The following TIAM1 variants were observed in gnomAD, a reference collection of about 807,000 sequenced individuals.
TIAM1 encodes TIAM Rac1 associated GEF 1.
A neutral mutation model predicts 163.5 loss-of-function variants in TIAM1; 65 were observed. That is an observed-to-expected ratio of 0.40 (90% CI 0.33 to 0.49). The LOEUF is 0.49. Ranked by LOEUF, TIAM1 falls within the 20% of genes least tolerant of loss-of-function variation. TIAM1 has a pLI of 0.77. For missense variants in TIAM1, 1,789 were observed against 2,044.7 expected (o/e 0.87, Z 2.41); for synonymous variants, 833 against 810.1 (o/e 1.03, Z -0.48).
chr21:31,273,576 A>T (rs900423441), intron 3 of TIAM1, among the ~76,000 whole-genome samples: 7 of 152,218 alleles, frequency 4.6e-5, no homozygotes, highest in Non-Finnish European at 1.0e-4. Context: ...GTGAGACAGC[A>T]CTTACAATCT....
intron 2 of TIAM1, among the ~76,000 whole-genome samples, chr21:31,399,619 A>T (rs2077130996): frequency 6.6e-6 from 1 of 152,198 alleles, no homozygotes; most frequent in South Asian, 2.1e-4. Flanking sequence ...GTGTCTTGAG[A>T]TATATGTTAT....
chr21:31,428,065 C>A (rs2147272445), intron 2 of TIAM1, among the ~76,000 whole-genome samples: 1 of 152,092 alleles, frequency 6.6e-6, no homozygotes, highest in South Asian at 2.1e-4. Flanking sequence ...AGTTCGATAC[C>A]AGCCTGATCA....
intron 2 of TIAM1, among the ~76,000 whole-genome samples, chr21:31,432,354 C>G (rs2044071010): frequency 6.6e-6 from 1 of 152,164 alleles, no homozygotes; most frequent in African/African-American, 2.4e-5. Flanking sequence ...CCGCCTCAGG[C>G]TCCCAAAGTG....
In TIAM1 at chr21:31,223,579, C is replaced by A; in HGVS notation, c.1822G>T (p.Glu608Ter). ...KTILDQIFVW[E>*]QNLEQFQMDL... ...ATTTGGAACTGCTCGAGATTTTGCTCCCAGACAAAGATCTATGGTAGTGAA... is the reference window on the plus strand; with the variant it reads ...ATTTGGAACTGCTCGAGATTTTGCTACCAGACAAAGATCTATGGTAGTGAA... The change falls in exon 8 of 28, where the codon GAG becomes TAG. Residue 608 changes from glutamate (E) to a stop codon, truncating the protein, a stop_gained. Transcript: ENST00000541036. LOFTEE classifies it high-confidence loss of function. 1.3e-6 allele frequency: 2 copies of A among 1,592,404 alleles called. No individual in the cohort carries two copies. Among genetic ancestry groups the A allele is most frequent in the Non-Finnish European group, 8.5e-7 (1 of 1,169,630 alleles).
At chr21:31,304,544 A>G (rs2074622096) in intron 2 of TIAM1, among the ~76,000 whole-genome samples, 1 of 152,234 alleles carries the variant, frequency 6.6e-6, no homozygotes, top group African/African-American at 2.4e-5. Context: ...AGGTAAGAGC[A>G]CCGTGCTAAA....
Position 31,495,282 on chromosome 21 carries a change from G to A in TIAM1, c.-421-31247C>T, listed in dbSNP as rs114680149. Reference sequence around the variant, plus strand: ...GAGAAATTTATTTTCTCACAGTTCCGGAGGCTGGGAAGTCCAAGATCAAGG... The same window carrying A: ...GAGAAATTTATTTTCTCACAGTTCCAGAGGCTGGGAAGTCCAAGATCAAGG... On this transcript the variant is annotated intron_variant, in intron 1 of 28. Coordinates refer to the TIAM1 transcript ENST00000286827. Among the ~76,000 whole-genome samples, 161 of 152,206 alleles carry A rather than the reference G, an allele frequency of 1.1e-3. 1 individual carries two copies. Among genetic ancestry groups the A allele is most frequent in the African/African-American group, 3.7e-3 (155 of 41,532 alleles).
At chr21:31,378,338 TC>T (rs1363126471) in intron 2 of TIAM1, among the ~76,000 whole-genome samples, 3 of 151,904 alleles carry the variant, frequency 2.0e-5, no homozygotes, top group Non-Finnish European at 4.4e-5. Context: ...AACACCAACC[TC>T]CTTTAAAAAA....
At chr21:31,129,335 T>C (rs904702272) in intron 25 of TIAM1, among the ~76,000 whole-genome samples, 1 of 152,184 alleles carries the variant, frequency 6.6e-6, no homozygotes, top group African/African-American at 2.4e-5. Flanking sequence ...GAAGTATACT[T>C]ATAGCTACCC....
At chr21:31,479,310 T>C (rs1201497064) in intron 1 of TIAM1, among the ~76,000 whole-genome samples, 2 of 152,172 alleles carry the variant, frequency 1.3e-5, no homozygotes, top group Non-Finnish European at 2.9e-5. Context: ...CTCTAAAATC[T>C]GCAACATGAT....
chr21:31,129,599 T>G (rs149148632), intron 25 of TIAM1, among the ~76,000 whole-genome samples: 1 of 152,196 alleles, frequency 6.6e-6, no homozygotes, highest in African/African-American at 2.4e-5. Flanking sequence ...GCCTAGAAAT[T>G]TGAGGCTACA....
rs1555982215 is a variant in TIAM1 at position 31,442,070 on chromosome 21, A to AAAAAAAAAAT, written c.-369+21912_-369+21913insATTTTTTTTT. Among the ~76,000 whole-genome samples the AAAAAAAAAAT allele has an allele frequency of 1.3e-3, 67 of 53,228 alleles. 3 individuals are homozygous for AAAAAAAAAAT. Among genetic ancestry groups the AAAAAAAAAAT allele is most frequent in the Middle Eastern group, 9.4e-3 (1 of 106 alleles). 34.9% of individuals were successfully genotyped at this position (53,228 alleles called of 152,430 possible). ...GACCCTATCTCAGAACAAATAAATA[A>AAAAAAAAAAT]ATATATATATATATATAGAACAATA... On this transcript the variant is annotated intron_variant, in intron 2 of 28. Coordinates refer to the TIAM1 transcript ENST00000286827.
intron 2 of TIAM1, among the ~76,000 whole-genome samples, chr21:31,359,277 A>G (rs562760430): frequency 6.6e-6 from 1 of 152,286 alleles, no homozygotes; most frequent in East Asian, 1.9e-4. Context: ...ACAATTATTT[A>G]TTTTTTAATA....
intron 1 of TIAM1, among the ~76,000 whole-genome samples, chr21:31,550,195 A>C (rs1016916347): frequency 6.6e-5 from 10 of 152,220 alleles, no homozygotes; most frequent in African/African-American, 2.4e-4. Flanking sequence ...CATTCATAAC[A>C]GTAACTACAC....
At chr21:31,503,175 G>C (rs1034576490) in intron 1 of TIAM1, among the ~76,000 whole-genome samples, 116 of 151,934 alleles carry the variant, frequency 7.6e-4, no homozygotes, top group African/African-American at 2.6e-3. Flanking sequence ...CGGGTGGGTC[G>C]TTTGAGATCA....
chr21:31,211,531 G>A (rs1282819630), intron 10 of TIAM1, among the ~76,000 whole-genome samples: 2 of 152,182 alleles, frequency 1.3e-5, no homozygotes, highest in Non-Finnish European at 2.9e-5. Context: ...AATGAAGGCT[G>A]AGAGGTGGTA....
At chr21:31,464,730 C>G (rs2045460273) in intron 1 of TIAM1, among the ~76,000 whole-genome samples, 1 of 151,668 alleles carries the variant, frequency 6.6e-6, no homozygotes, top group Admixed American at 6.6e-5. Context: ...GTAATCCCAA[C>G]TACTTGGGTG....
chr21:31,440,750 G>A (rs768394622), intron 2 of TIAM1, among the ~76,000 whole-genome samples: 1 of 152,066 alleles, frequency 6.6e-6, no homozygotes, highest in African/African-American at 2.4e-5. Flanking sequence ...GTGTGGTGGC[G>A]TGTGCCTGTA....
intron 8 of TIAM1, among the ~76,000 whole-genome samples, chr21:31,222,697 ATATATATATATTTTTTTTTTTTTTTTTTT>A (rs1206849209): frequency 8.2e-5 from 3 of 36,508 alleles, no homozygotes; most frequent in African/African-American, 4.7e-4. Context: ...ATATATATAT[ATATATATATATTTTTTTTTTTTTTTTTTT>A]TTTTTTTTTG....
rs1480408695 is a variant in TIAM1, at chr21:31,130,934, C to T, written c.3898G>A (p.Val1300Met). 6.2e-7 allele frequency: 1 copy of T among 1,613,888 alleles called. No individual in the cohort carries two copies. The highest frequency in any genetic ancestry group is 1.1e-5 in the South Asian group (1 of 91,086). The part of the protein sequence containing the change: ...ELAAFVFKTA[V>M]VLVYKDGSKQ... ...GAACCATCTTTATACACAAGGACCA[C>T]AGCAGTTTTGAAGACTGGAAAAAAT... Residue 1300 changes from valine (V) to methionine (M), a missense_variant, in exon 24 of 28, where the codon GTG becomes ATG. Val to Met is a conservative substitution (Grantham distance 21). Around this residue, in one of 5 missense-constraint regions of TIAM1, gnomAD observed 415 missense variants for 439.2 expected, o/e 0.94. Transcript: ENST00000541036.
Sources: allele counts gnomAD v4.1 joint callset (sites outside exome capture counted in the v4.1 genomes callset), GRCh38; gene constraint gnomAD v4.1.1; regional missense constraint gnomAD v4.1.1; transcripts MANE v1.5; gene names NCBI Gene and HGNC (gene_info 2026-07-23, HGNC 2026-07-21).